The following EGF variants were observed in gnomAD, a reference collection of about 807,000 sequenced individuals.
EGF encodes epidermal growth factor.
A neutral mutation model predicts 143.8 loss-of-function variants in EGF; 95 were observed. The ratio of observed to expected loss-of-function variants is 0.66; its 90% CI spans 0.56 to 0.78. The LOEUF is 0.78. Among genes scored for constraint, EGF ranks in the 30% least tolerant of loss-of-function variants. The pLI is 0.00. For synonymous variants in EGF, 510 were observed against 510.5 expected (o/e 1.00, Z 0.01); for missense variants, 1,320 against 1,470.9 (o/e 0.90, Z 1.68).
rs1374858052 is a variant in EGF at position 110,012,716 on chromosome 4, AC to A, written c.*1262del. Among the ~76,000 whole-genome samples the A allele has an allele frequency of 6.6e-6, 1 of 152,146 alleles. No individual in the cohort carries two copies. Among genetic ancestry groups the A allele is most frequent in the Non-Finnish European group, 1.5e-5 (1 of 68,030 alleles). On this transcript the variant is annotated 3_prime_UTR_variant, in exon 24 of 24. Transcript: ENST00000265171. ...ATTAGCCATGGTGCCCAGCCTTGTA[AC>A]TTTTAAAAAAATTTTTTAATCTACA...
rs759771801 is a variant in EGF at position 109,988,613 on chromosome 4, G to C, written c.2638G>C (p.Val880Leu). The C allele has an allele frequency of 1.2e-6, 2 of 1,614,112 alleles. No individual in the cohort carries two copies. Among genetic ancestry groups the C allele is most frequent in the Non-Finnish European group, 1.7e-6 (2 of 1,179,946 alleles). ...DIDECEMGVPVCPPASSKCIN... is the reference protein window; with the variant it reads ...DIDECEMGVPLCPPASSKCIN... ...AGATGAATGTGAGATGGGTGTCCCA[G>C]TGTGCCCCCCTGCCTCCTCCAAGTG... is the stretch of plus-strand genomic sequence containing the variant. The change falls in exon 18 of 24, where the codon GTG becomes CTG. Residue 880 changes from valine (V) to leucine (L), a missense_variant. Around this residue, in one of 5 missense-constraint regions of EGF, gnomAD observed 1,186 missense variants for 1,313.7 expected, o/e 0.90. Coordinates refer to ENST00000265171, the MANE Select transcript of EGF (RefSeq NM_001963.6).
At chr4:109,944,840 A>G (rs1742563214) in intron 4 of EGF, among the ~76,000 whole-genome samples, 1 of 152,220 alleles carries the variant, frequency 6.6e-6, no homozygotes, top group African/African-American at 2.4e-5. Flanking sequence ...TTATTGGATG[A>G]CTAAAAGAAG....
rs1560698909 is a variant in EGF at position 109,963,235 on chromosome 4, T to G, written c.1375T>G (p.Trp459Gly). ...CTGCGTTCCTCTTAGCCCAGTATCC[T>G]GGGAATGTGATTGCTTTCCTGGGTA... ...QLCVPLSPVS[W>G]ECDCFPGYDL... The change falls in exon 9 of 24, where the codon TGG becomes GGG. Residue 459 changes from tryptophan (W) to glycine (G), a missense_variant. Transcript: ENST00000265171. 2 of 1,614,038 alleles carry G rather than the reference T, an allele frequency of 1.2e-6. No individual in the cohort carries two copies. The highest frequency in any genetic ancestry group is 4.5e-5 in the East Asian group (2 of 44,882).
At position 110,003,242 on chromosome 4, in the gene EGF, C is replaced by T. The variant is rs577243432; in HGVS notation, c.3174-1263C>T. Among the ~76,000 whole-genome samples, 8 of 152,216 alleles carry T rather than the reference C, an allele frequency of 5.3e-5. No individual in the cohort carries two copies. In the South Asian group the frequency reaches 6.2e-4, roughly 12 times the overall value. On this transcript the variant is annotated intron_variant, in intron 21 of 23. Coordinates refer to ENST00000265171, the MANE Select transcript of EGF (RefSeq NM_001963.6). ...TTAACTCTTTGAAGCATCACCGTAC[C>T]GCTTTCCATAATGATTGAAATAATT...
intron 10 of EGF, among the ~76,000 whole-genome samples, chr4:109,965,074 T>C (rs1746331989): frequency 6.6e-6 from 1 of 152,142 alleles, no homozygotes; most frequent in African/African-American, 2.4e-5. Context: ...ATAAACATTT[T>C]ATATAAGTTT....
intron 1 of EGF, among the ~76,000 whole-genome samples, chr4:109,932,440 A>G (rs1435125131): frequency 7.3e-6 from 1 of 137,780 alleles, no homozygotes. Flanking sequence ...GTGTAGTGGC[A>G]TGATCTTGGC....
chr4:109,943,217 G>T (rs988319915), intron 2 of EGF, 37 bp from the exon 3 acceptor site: 5 of 1,380,868 alleles, frequency 3.6e-6, no homozygotes, highest in Non-Finnish European at 5.0e-6. Context: ...GTGAATGGGG[G>T]AAGTATTAAT....
At chr4:109,930,729 G>A (rs1446769460) in intron 1 of EGF, among the ~76,000 whole-genome samples, 1 of 152,196 alleles carries the variant, frequency 6.6e-6, no homozygotes, top group African/African-American at 2.4e-5. Flanking sequence ...ACTCACAGAG[G>A]ATGAAGGGGT....
At chr4:110,007,595 ATGT>A (rs1269734537) in intron 22 of EGF, among the ~76,000 whole-genome samples, 1 of 152,176 alleles carries the variant, frequency 6.6e-6, no homozygotes, top group Non-Finnish European at 1.5e-5. Context: ...CTGAAGAGAA[ATGT>A]TGTTTTCTGT....
chr4:109,938,024 G>T (rs148833685), intron 1 of EGF, among the ~76,000 whole-genome samples: 20 of 152,038 alleles, frequency 1.3e-4, no homozygotes, highest in African/African-American at 4.8e-4. Flanking sequence ...ATCTTTGGGG[G>T]TGTTCTCTGT....
chr4:109,987,212 G>A (rs1350821667), intron 16 of EGF, among the ~76,000 whole-genome samples: 1 of 152,138 alleles, frequency 6.6e-6, no homozygotes, highest in Non-Finnish European at 1.5e-5. Context: ...TTCATATAGG[G>A]TTCCTTGAAC....
chr4:109,935,774 A>T (rs1275975686), intron 1 of EGF, among the ~76,000 whole-genome samples: 1 of 152,172 alleles, frequency 6.6e-6, no homozygotes, highest in African/African-American at 2.4e-5. Flanking sequence ...AATTTTATCG[A>T]AGGCGTTTTC....
At chr4:110,005,176 G>A (rs1240305087) in intron 22 of EGF, among the ~76,000 whole-genome samples, 1 of 149,062 alleles carries the variant, frequency 6.7e-6, no homozygotes, top group Non-Finnish European at 1.5e-5. Context: ...CTCCCAAATA[G>A]CTGGGACTAC....
intron 10 of EGF, 75 bp from the exon 11 acceptor site, chr4:109,968,896 A>C: frequency 6.2e-7 from 1 of 1,601,282 alleles, no homozygotes; most frequent in Non-Finnish European, 8.5e-7. Context: ...GTACAACCTA[A>C]AGACTAGTGC....
At chr4:110,003,765 T>C (rs1406377143) in intron 21 of EGF, among the ~76,000 whole-genome samples, 1 of 146,906 alleles carries the variant, frequency 6.8e-6, no homozygotes, top group Non-Finnish European at 1.5e-5. Context: ...GACAGTACTC[T>C]AAAAAACTGG....
chr4:109,947,917 AC>A (rs1233788888), intron 5 of EGF, among the ~76,000 whole-genome samples: 1 of 152,182 alleles, frequency 6.6e-6, no homozygotes, highest in African/African-American at 2.4e-5. Context: ...GAAATAGAGC[AC>A]CTTTTCCATG....
At chr4:109,954,299 G>A (rs1044057420) in intron 5 of EGF, among the ~76,000 whole-genome samples, 6 of 152,082 alleles carry the variant, frequency 3.9e-5, no homozygotes, top group South Asian at 2.1e-4. Context: ...TGATCTGCCC[G>A]CCTTGGCCTC....
At position 109,980,930 on chromosome 4, in the gene EGF, G is replaced by A. The variant is rs1390232915; in HGVS notation, c.2326G>A (p.Asp776Asn). Residue 776 changes from aspartate (D) to asparagine (N), a missense_variant, in exon 15 of 24, where the codon GAT (aspartate) becomes AAT (asparagine). Asp to Asn is a conservative substitution (Grantham distance 23). Around this residue, in one of 5 missense-constraint regions of EGF, gnomAD observed 1,186 missense variants for 1,313.7 expected, o/e 0.90. Coordinates refer to ENST00000265171, the MANE Select transcript of EGF (RefSeq NM_001963.6). Reference sequence around the variant, plus strand: ...TCGTGAAGGTTTTATGAAAGCCTCAGATGGGAAAACGTGTCTGGCTCTGGA... The same window carrying A: ...TCGTGAAGGTTTTATGAAAGCCTCAAATGGGAAAACGTGTCTGGCTCTGGA... ...SCREGFMKASDGKTCLALDGH... is the reference protein window; with the variant it reads ...SCREGFMKASNGKTCLALDGH... The A allele has an allele frequency of 6.2e-7, 1 of 1,614,124 alleles. No individual in the cohort carries two copies. Among genetic ancestry groups the A allele is most frequent in the Middle Eastern group, 1.6e-4 (1 of 6,062 alleles).
intron 21 of EGF, among the ~76,000 whole-genome samples, chr4:110,002,436 T>C (rs62325265): frequency 0.24 from 36,492 of 152,088 alleles, 5,045 homozygotes; most frequent in Middle Eastern, 0.34. Context: ...GTGATTACAG[T>C]AAGCCGTGAT....
Sources: gnomAD v4.1 joint callset for allele counts (sites outside exome capture counted in the v4.1 genomes callset) on GRCh38, gnomAD v4.1.1 for gene constraint, gnomAD v4.1.1 regional missense constraint, MANE v1.5 for transcripts, NCBI Gene and HGNC (gene_info 2026-07-23, HGNC 2026-07-21) for gene names.